Variants in ROBO1 observed in about 807,000 individuals in gnomAD.
The protein encoded by ROBO1 is roundabout guidance receptor 1.
In ROBO1, 149 loss-of-function variants were observed where a neutral mutation model predicts 195.9. That is an observed-to-expected ratio of 0.76 (90% CI 0.67 to 0.87). The LOEUF is 0.87. Among genes scored for constraint, ROBO1 ranks in the 40% least tolerant of loss-of-function variants. The pLI is 0.00. For synonymous variants in ROBO1, 816 were observed against 733.2 expected, an observed-to-expected ratio of 1.11 and a Z score of -1.82; for missense variants, 1,933 against 2,068.3, an observed-to-expected ratio of 0.93 and a Z score of 1.27.
chr3:79,270,179 TTCTCTCTCTCTCTCTCTC>T (rs138141200), intron 2 of ROBO1, among the ~76,000 whole-genome samples: 24 of 140,782 alleles, frequency 1.7e-4, no homozygotes, highest in East Asian at 6.3e-4. Flanking sequence ...ATACATAATG[TTCTCTCTCTCTCTCTCTC>T]TCTCTCTCTC....
chr3:79,590,421 A>C (rs1943963118), intron 1 of ROBO1, among the ~76,000 whole-genome samples: 1 of 151,826 alleles, frequency 6.6e-6, no homozygotes, highest in Non-Finnish European at 1.5e-5. Context: ...CAGGTGCATA[A>C]ACACCTTGAG....
chr3:78,946,106 T>A (rs1322851877), intron 3 of ROBO1, among the ~76,000 whole-genome samples: 3 of 152,164 alleles, frequency 2.0e-5, no homozygotes, highest in South Asian at 4.1e-4. Flanking sequence ...CTGCAGGGTA[T>A]TATCCAGAAG....
chr3:79,563,589 G>A (rs762881993), intron 2 of ROBO1, among the ~76,000 whole-genome samples: 1 of 151,966 alleles, frequency 6.6e-6, no homozygotes, highest in African/African-American at 2.4e-5. Context: ...ATGTATGAAG[G>A]CATCCAATAA....
intron 8 of ROBO1, among the ~76,000 whole-genome samples, chr3:78,698,902 G>A (rs6769933): frequency 0.23 from 35,510 of 151,964 alleles, 4,232 homozygotes; most frequent in African/African-American, 0.25. Context: ...GTTAACAAAC[G>A]TTGGTAGTTA....
At chr3:79,408,568 T>C (rs1461846118) in intron 2 of ROBO1, among the ~76,000 whole-genome samples, 1 of 152,000 alleles carries the variant, frequency 6.6e-6, no homozygotes, top group Non-Finnish European at 1.5e-5. Flanking sequence ...ATTTGAAAAT[T>C]GAGAGTGATA....
chr3:79,241,637 TAATA>T (rs1189718938), intron 2 of ROBO1, among the ~76,000 whole-genome samples: 3 of 151,258 alleles, frequency 2.0e-5, no homozygotes, highest in Admixed American at 6.6e-5. Flanking sequence ...TCATCTTACA[TAATA>T]GATAGTAATA....
intron 4 of ROBO1, among the ~76,000 whole-genome samples, chr3:78,797,735 C>G (rs901698567): frequency 8.6e-5 from 13 of 152,016 alleles, no homozygotes; most frequent in Non-Finnish European, 1.3e-4. Flanking sequence ...CAAAATGGAA[C>G]AGTTTTCAGT....
At chr3:79,567,183 A>T (rs555175030) in intron 2 of ROBO1, among the ~76,000 whole-genome samples, 1 of 152,180 alleles carries the variant, frequency 6.6e-6, no homozygotes, top group Admixed American at 6.6e-5. Flanking sequence ...ATTCTCAATT[A>T]TAAGTGGGAG....
chr3:79,722,948 C>G (rs888369136), intron 1 of ROBO1, among the ~76,000 whole-genome samples: 1 of 152,064 alleles, frequency 6.6e-6, no homozygotes, highest in Non-Finnish European at 1.5e-5. Flanking sequence ...AGGTACTGCT[C>G]AACAGTATTG....
chr3:78,905,702 A>C (rs1487416987), intron 4 of ROBO1, among the ~76,000 whole-genome samples: 1 of 152,194 alleles, frequency 6.6e-6, no homozygotes, highest in Non-Finnish European at 1.5e-5. Flanking sequence ...ATATATACAC[A>C]TTCACATATA....
chr3:78,739,093 C>T (rs1315978810), intron 5 of ROBO1, among the ~76,000 whole-genome samples: 2 of 152,066 alleles, frequency 1.3e-5, no homozygotes, highest in African/African-American at 4.8e-5. Context: ...GTCACAAAGG[C>T]TCATATCAGC....
chr3:79,530,770 C>CACAA (rs1941622318), intron 2 of ROBO1, among the ~76,000 whole-genome samples: 1 of 135,846 alleles, frequency 7.4e-6, no homozygotes, highest in Admixed American at 7.2e-5. Context: ...CACACACACA[C>CACAA]ACACACACAC....
intron 2 of ROBO1, among the ~76,000 whole-genome samples, chr3:79,191,739 G>C (rs2081543958): frequency 6.6e-6 from 1 of 151,222 alleles, no homozygotes; most frequent in South Asian, 2.1e-4. Context: ...CATGTATTAT[G>C]CTTTAATTAA....
intron 4 of ROBO1, among the ~76,000 whole-genome samples, chr3:78,873,283 A>G (rs1273317012): frequency 3.3e-5 from 5 of 152,114 alleles, no homozygotes; most frequent in South Asian, 2.1e-4. Flanking sequence ...AAGGGGATGC[A>G]TTGTGCCACT....
At chr3:78,811,278 C>T (rs1437223391) in intron 4 of ROBO1, among the ~76,000 whole-genome samples, 1 of 152,120 alleles carries the variant, frequency 6.6e-6, no homozygotes, top group Non-Finnish European at 1.5e-5. Context: ...ACAAATTCAA[C>T]TAAAGTTGGT....
rs143511996 is a variant in ROBO1 at position 79,230,995 on chromosome 3, G to A, written c.89-105456C>T. On this transcript the variant is annotated intron_variant, in intron 2 of 30. Coordinates refer to ENST00000464233, the MANE Select transcript of ROBO1 (RefSeq NM_002941.4). ...AAGTATTCCCTTTTCAATAAATGGT[G>A]CTGGGATAACTGACTAGCTGTATGC... 1.2e-3 allele frequency among the ~76,000 whole-genome samples: 190 copies of A among 152,256 alleles called. 3 individuals carry two copies. The highest frequency in any genetic ancestry group is 3.7e-3 in the African/African-American group (154 of 41,564).
chr3:79,683,356 C>T (rs1465708807), intron 1 of ROBO1, among the ~76,000 whole-genome samples: 1 of 151,830 alleles, frequency 6.6e-6, no homozygotes, highest in African/African-American at 2.4e-5. Context: ...TATAAAATTG[C>T]AAACAAATTC....
At chr3:78,749,371 C>A (rs1168339267) in intron 4 of ROBO1, among the ~76,000 whole-genome samples, 1 of 151,962 alleles carries the variant, frequency 6.6e-6, no homozygotes, top group Non-Finnish European at 1.5e-5. Context: ...TCAAGTTTTT[C>A]TTAAATATTT....
Position 78,634,010 on chromosome 3 carries a change from T to C in ROBO1, c.3406A>G (p.Ile1136Val). The C allele has an allele frequency of 6.2e-7, 1 of 1,611,900 alleles. No individual in the cohort carries two copies. The highest frequency in any genetic ancestry group is 2.2e-5 in the East Asian group (1 of 44,782). Reference protein sequence around the residue: ...YRANDTVPPTIPYNQSYDQNT... With the variant: ...YRANDTVPPTVPYNQSYDQNT... ...TGGTCGTATGATTGGTTGTATGGGA[T>C]AGTTGGAGGAACTGTGTCATTTGCT... Residue 1136 changes from isoleucine (I) to valine (V), a missense_variant, in exon 24 of 31, where the codon ATC becomes GTC. Ile to Val is a conservative substitution (Grantham distance 29). Around this residue, in one of 3 missense-constraint regions of ROBO1, gnomAD observed 1,737 missense variants for 1,882.5 expected, o/e 0.92. Transcript: ENST00000464233.
Sources: gnomAD v4.1 joint callset for allele counts (sites outside exome capture counted in the v4.1 genomes callset) on GRCh38, gnomAD v4.1.1 for gene constraint, gnomAD v4.1.1 regional missense constraint, MANE v1.5 for transcripts, NCBI Gene and HGNC (gene_info 2026-07-23, HGNC 2026-07-21) for gene names.